Variants in CADM2 observed in about 807,000 individuals in gnomAD.
The protein encoded by CADM2 is cell adhesion molecule 2, also known as immunoglobulin superfamily member 4D.
Under a neutral mutation model 49.8 loss-of-function variants are expected in CADM2, and 12 were observed. That is an observed-to-expected ratio of 0.24 (90% CI 0.15 to 0.39). The LOEUF (loss-of-function observed/expected upper bound fraction) is 0.39, where lower values mean the gene tolerates loss of function less well. CADM2 is among the 10% of genes least tolerant of loss of function. The pLI, the probability that CADM2 is intolerant of heterozygous loss-of-function variation, is 1.00. For missense variants in CADM2, 378 were observed against 492.3 expected (o/e 0.77, Z 2.20); for synonymous variants, 214 against 175.4 (o/e 1.22, Z -1.74).
At chr3:84,997,332 C>G (rs569412937) in intron 1 of CADM2, among the ~76,000 whole-genome samples, 1 of 152,036 alleles carries the variant, frequency 6.6e-6, no homozygotes, top group Non-Finnish European at 1.5e-5. Flanking sequence ...ATAAACCTCT[C>G]TAATTATGTG....
chr3:86,041,945 C>T (rs145024817), intron 8 of CADM2, among the ~76,000 whole-genome samples: 399 of 152,244 alleles, frequency 2.6e-3, no homozygotes, highest in African/African-American at 9.0e-3. Context: ...CGCTCAACTA[C>T]GTGGAAGCTG....
At chr3:85,522,973 T>C (rs915083786) in intron 1 of CADM2, among the ~76,000 whole-genome samples, 4 of 150,116 alleles carry the variant, frequency 2.7e-5, no homozygotes, top group African/African-American at 7.3e-5. Context: ...GACCACATTA[T>C]TTGTAGCCTA....
At chr3:85,489,833 C>T (rs1472025283) in intron 1 of CADM2, among the ~76,000 whole-genome samples, 4 of 137,288 alleles carry the variant, frequency 2.9e-5, no homozygotes, top group South Asian at 4.6e-4. Context: ...GAGAGCAAAG[C>T]GAGGGAGAGA....
intron 1 of CADM2, among the ~76,000 whole-genome samples, chr3:85,516,539 C>G (rs574502343): frequency 2.0e-5 from 3 of 151,954 alleles, no homozygotes; most frequent in Non-Finnish European, 2.9e-5. Flanking sequence ...TTTCAATTAC[C>G]AGAGATTTTA....
intron 1 of CADM2, among the ~76,000 whole-genome samples, chr3:85,062,493 G>T (rs376235401): frequency 9.9e-5 from 15 of 151,744 alleles, no homozygotes; most frequent in Admixed American, 5.9e-4. Flanking sequence ...AACCTGGAAA[G>T]ACTTAAAGGA....
intron 1 of CADM2, among the ~76,000 whole-genome samples, chr3:85,109,337 T>G (rs549293754): frequency 2.0e-5 from 3 of 151,636 alleles, no homozygotes; most frequent in Admixed American, 2.0e-4. Flanking sequence ...AGCATTAATA[T>G]GCATAAACAT....
At chr3:85,349,731 A>G (rs1478002695) in intron 1 of CADM2, among the ~76,000 whole-genome samples, 2 of 152,212 alleles carry the variant, frequency 1.3e-5, no homozygotes, top group Non-Finnish European at 2.9e-5. Context: ...TGCTTATTGC[A>G]GTGAGAGAGA....
chr3:85,898,885 G>C (rs1715647802), intron 5 of CADM2, among the ~76,000 whole-genome samples: 1 of 133,786 alleles, frequency 7.5e-6, no homozygotes, highest in Non-Finnish European at 1.6e-5. Flanking sequence ...TAAAGGCCTT[G>C]CCATTTTCCA....
At chr3:85,203,519 C>G (rs1001581085) in intron 1 of CADM2, among the ~76,000 whole-genome samples, 5 of 151,886 alleles carry the variant, frequency 3.3e-5, no homozygotes, top group Admixed American at 3.3e-4. Context: ...ATAATAACAT[C>G]AAAGATCAGT....
intron 1 of CADM2, among the ~76,000 whole-genome samples, chr3:85,347,970 G>C (rs2030933791): frequency 6.6e-6 from 1 of 151,986 alleles, no homozygotes; most frequent in Non-Finnish European, 1.5e-5. Flanking sequence ...ACTGCGCCTG[G>C]CTAATTTTTT....
intron 3 of CADM2, among the ~76,000 whole-genome samples, chr3:85,834,105 A>C (rs2074301794): frequency 6.6e-6 from 1 of 151,704 alleles, no homozygotes; most frequent in African/African-American, 2.4e-5. Context: ...CCAAAATTCA[A>C]AAATAAAGTT....
chr3:85,176,779 T>C (rs2040797857), intron 1 of CADM2, among the ~76,000 whole-genome samples: 1 of 152,198 alleles, frequency 6.6e-6, no homozygotes, highest in Admixed American at 6.5e-5. Context: ...TTTTCTACTT[T>C]AGATATGCAT....
At chr3:85,435,465 T>G (rs1370812398) in intron 1 of CADM2, among the ~76,000 whole-genome samples, 1 of 152,204 alleles carries the variant, frequency 6.6e-6, no homozygotes, top group Non-Finnish European at 1.5e-5. Flanking sequence ...TGAATAGTGC[T>G]GCAATAAACA....
intron 1 of CADM2, among the ~76,000 whole-genome samples, chr3:85,215,275 T>C (rs549805886): frequency 7.0e-6 from 1 of 141,846 alleles, no homozygotes. Flanking sequence ...GGGTCTGGAA[T>C]AGGGCCCTCA....
chr3:85,899,211 C>A (rs778270218), intron 5 of CADM2, among the ~76,000 whole-genome samples: 26 of 151,552 alleles, frequency 1.7e-4, no homozygotes, highest in Admixed American at 9.2e-4. Context: ...GGTGATCCAC[C>A]CACCTTGGCC....
At chr3:85,278,254 C>T (rs943542765) in intron 1 of CADM2, among the ~76,000 whole-genome samples, 4 of 151,308 alleles carry the variant, frequency 2.6e-5, no homozygotes, top group Admixed American at 1.3e-4. Flanking sequence ...AATTCTCTTT[C>T]CCAATAAATA....
At chr3:84,966,569 A>G (rs1367231618) in intron 1 of CADM2, among the ~76,000 whole-genome samples, 1 of 152,066 alleles carries the variant, frequency 6.6e-6, no homozygotes, top group Non-Finnish European at 1.5e-5. Flanking sequence ...ATGAAATAAC[A>G]ATAGGGTTGA....
intron 1 of CADM2, among the ~76,000 whole-genome samples, chr3:85,161,326 G>C (rs2040314549): frequency 6.6e-6 from 1 of 152,118 alleles, no homozygotes; most frequent in Non-Finnish European, 1.5e-5. Context: ...TGGATTGAGT[G>C]CTTTTGTAGA....
intron 1 of CADM2, among the ~76,000 whole-genome samples, chr3:85,469,141 A>G (rs372739854): frequency 1.2e-4 from 19 of 152,206 alleles, no homozygotes; most frequent in African/African-American, 4.3e-4. Context: ...GGCACATACC[A>G]CAGCCTCTGC....
Sources: allele counts gnomAD v4.1 joint callset (sites outside exome capture counted in the v4.1 genomes callset), GRCh38; gene constraint gnomAD v4.1.1; transcripts MANE v1.5; gene names NCBI Gene and HGNC (gene_info 2026-07-23, HGNC 2026-07-21).